Variants in CCDC39 observed in about 807,000 individuals in gnomAD.
The protein encoded by CCDC39 is coiled-coil domain-containing protein 39.
Under a neutral mutation model 121.0 loss-of-function variants are expected in CCDC39, and 113 were observed. The observed-to-expected ratio is 0.93, with a 90% CI of 0.80 to 1.09. The LOEUF is 1.09. Ranked by LOEUF, CCDC39 falls within the 50% of genes least tolerant of loss-of-function variation. The pLI is 0.00. For synonymous variants in CCDC39, 349 were observed against 352.2 expected (o/e 0.99, Z 0.10); for missense variants, 1,063 against 1,074.7 (o/e 0.99, Z 0.15).
intron 1 of CCDC39, among the ~76,000 whole-genome samples, chr3:180,676,002 A>G (rs1450197608): frequency 6.6e-6 from 1 of 152,218 alleles, no homozygotes; most frequent in Non-Finnish European, 1.5e-5. Context: ...TTCAATATGG[A>G]TTAAAGACTT....
At chr3:180,673,916 A>G (rs1198772100) in intron 1 of CCDC39, among the ~76,000 whole-genome samples, 2 of 151,720 alleles carry the variant, frequency 1.3e-5, no homozygotes, top group East Asian at 3.9e-4. Flanking sequence ...GTAGACTGGC[A>G]ATCTAGGATG....
intron 18 of CCDC39, 37 bp downstream of exon 18, chr3:180,616,479 G>A (rs1444928367): frequency 6.6e-7 from 1 of 1,505,370 alleles, no homozygotes; most frequent in African/African-American, 1.4e-5. Context: ...TTTTCATGAA[G>A]TTTTTAAGAA....
At chr3:180,642,369 T>G (rs966994514) in intron 12 of CCDC39, among the ~76,000 whole-genome samples, 168 bp from the exon 13 acceptor site, 1 of 151,986 alleles carries the variant, frequency 6.6e-6, no homozygotes, top group Non-Finnish European at 1.5e-5. Flanking sequence ...TTTTTTCTTT[T>G]AAGAAAAGGG....
Position 180,639,309 on chromosome 3 carries a change from G to T in CCDC39, c.1874+2684C>A, listed in dbSNP as rs144956617. Reference sequence around the variant, plus strand: ...ATGCTCATCTTTGACAGTGTCTGTGGCTGCTTTCAGTCTACAATGACAGAG... The same window carrying T: ...ATGCTCATCTTTGACAGTGTCTGTGTCTGCTTTCAGTCTACAATGACAGAG... On this transcript the variant is annotated intron_variant, in intron 13 of 19. Coordinates refer to ENST00000476379, the MANE Select transcript of CCDC39 (RefSeq NM_181426.2). Among the ~76,000 whole-genome samples, 1,329 of 152,150 alleles carry T rather than the reference G, an allele frequency of 8.7e-3. 27 individuals carry two copies. The highest frequency in any genetic ancestry group is 0.03 in the African/African-American group (1,265 of 41,520).
intron 10 of CCDC39, 68 bp from the exon 11 acceptor site, chr3:180,647,311 A>C: frequency 7.5e-7 from 1 of 1,341,354 alleles, no homozygotes; most frequent in Non-Finnish European, 1.0e-6. Context: ...TGTAAAAACA[A>C]AGTGAATACT....
intron 12 of CCDC39, among the ~76,000 whole-genome samples, chr3:180,642,527 G>A (rs1717980395): frequency 6.6e-6 from 1 of 151,828 alleles, no homozygotes; most frequent in African/African-American, 2.4e-5. Context: ...TTTATACTCT[G>A]AATCTCACAA....
chr3:180,628,580 A>T (rs971271246), intron 14 of CCDC39, among the ~76,000 whole-genome samples: 1 of 152,206 alleles, frequency 6.6e-6, no homozygotes, highest in Admixed American at 6.5e-5. Context: ...AAACTAATAA[A>T]AAGGGTCAAC....
At chr3:180,627,883 T>G (rs952058044) in intron 14 of CCDC39, among the ~76,000 whole-genome samples, 2 of 152,178 alleles carry the variant, frequency 1.3e-5, no homozygotes, top group Non-Finnish European at 2.9e-5. Flanking sequence ...GAAGGTGACC[T>G]TATTTGGAAA....
At position 180,614,642 on chromosome 3, in the gene CCDC39, A is replaced by G; in HGVS notation, c.*279T>C. The G allele has an allele frequency of 3.3e-6, 1 of 303,058 alleles. No homozygotes were observed. The allele number at this position is 303,058 out of a possible 1,614,324, so 18.8% of individuals were successfully genotyped here. On this transcript the variant is annotated 3_prime_UTR_variant, in exon 20 of 20. Transcript: ENST00000476379. ...GTTTCGTGAAATAATGAAGCAAACT[A>G]TTTTCTAACACTACGAACATCAGAA...
chr3:180,627,264 T>C (rs1717585792), intron 14 of CCDC39, among the ~76,000 whole-genome samples: 1 of 152,246 alleles, frequency 6.6e-6, no homozygotes, highest in Non-Finnish European at 1.5e-5. Flanking sequence ...TTACATAATT[T>C]TAAAAAGTTT....
intron 15 of CCDC39, 52 bp from the exon 16 acceptor site, chr3:180,619,417 C>A: frequency 1.1e-6 from 1 of 889,772 alleles, no homozygotes; most frequent in Non-Finnish European, 1.7e-6. Context: ...AAGTAGAAAT[C>A]AATTTTAAAG....
intron 1 of CCDC39, among the ~76,000 whole-genome samples, chr3:180,676,099 C>A (rs1712194496): frequency 6.6e-6 from 1 of 152,150 alleles, no homozygotes; most frequent in Non-Finnish European, 1.5e-5. Flanking sequence ...GACTTCATGT[C>A]TAAAACACCA....
At position 180,632,606 on chromosome 3, in the gene CCDC39, T is replaced by C. The variant is rs149794398; in HGVS notation, c.1875-1014A>G. 3.3e-3 allele frequency among the ~76,000 whole-genome samples: 498 copies of C among 152,266 alleles called. 3 individuals are homozygous for C. The highest frequency in any genetic ancestry group is 7.4e-3 in the Admixed American group (113 of 15,292). On this transcript the variant is annotated intron_variant, in intron 13 of 19. Transcript: ENST00000476379. Reference sequence around the variant, plus strand: ...AGATTGTGGACCAAGCACAGTATATTACTCTTCCTTTCTAAAATAAAAAAA... The same window carrying C: ...AGATTGTGGACCAAGCACAGTATATCACTCTTCCTTTCTAAAATAAAAAAA...
chr3:180,659,357 T>G (rs911507420), intron 6 of CCDC39, 95 bp downstream of exon 6: 1 of 1,488,832 alleles, frequency 6.7e-7, no homozygotes, highest in Non-Finnish European at 9.1e-7. Context: ...AAAAGTGACT[T>G]TCAAATAACA....
intron 13 of CCDC39, among the ~76,000 whole-genome samples, chr3:180,638,257 A>T (rs928962994): frequency 6.6e-6 from 1 of 152,164 alleles, no homozygotes; most frequent in Non-Finnish European, 1.5e-5. Context: ...AAATTTCATT[A>T]ATCTGTAATC....
intron 2 of CCDC39, among the ~76,000 whole-genome samples, 198 bp downstream of exon 2, chr3:180,663,669 C>CAA (rs71182539): frequency 1.2e-3 from 144 of 118,128 alleles, no homozygotes; most frequent in African/African-American, 3.7e-3. Context: ...GACTTCATCT[C>CAA]AAAAAAAAAA....
intron 1 of CCDC39, among the ~76,000 whole-genome samples, chr3:180,672,654 T>TG (rs2108435185): frequency 1.3e-5 from 2 of 152,304 alleles, no homozygotes; most frequent in Non-Finnish European, 2.9e-5. Context: ...AGAGCTATGA[T>TG]GGAGACGTAC....
chr3:180,644,655 C>A (rs1297512460), intron 11 of CCDC39, among the ~76,000 whole-genome samples: 2 of 152,144 alleles, frequency 1.3e-5, no homozygotes, highest in Admixed American at 1.3e-4. Flanking sequence ...ATAATCTACA[C>A]ACATCTTCCT....
Position 180,662,245 on chromosome 3 carries a change from T to C in CCDC39, c.211-238A>G, listed in dbSNP as rs752923684. On this transcript the variant is annotated intron_variant, in intron 2 of 19. Coordinates refer to ENST00000476379, the MANE Select transcript of CCDC39 (RefSeq NM_181426.2). ...TGCTAGGAGAAAATACTGTCAATAG[T>C]TTTCAGATACTACGCTGGTCTAGGA... is the stretch of plus-strand genomic sequence containing the variant. Among the ~76,000 whole-genome samples the C allele has an allele frequency of 3.3e-5, 5 of 152,210 alleles. 1 individual carries two copies. Among genetic ancestry groups the C allele is most frequent in the Non-Finnish European group, 5.9e-5 (4 of 67,962 alleles).
Sources: gnomAD v4.1 joint callset for allele counts (sites outside exome capture counted in the v4.1 genomes callset) on GRCh38, gnomAD v4.1.1 for gene constraint, MANE v1.5 for transcripts, NCBI Gene and HGNC (gene_info 2026-07-23, HGNC 2026-07-21) for gene names.